The following MYO1D variants were observed in gnomAD, a reference collection of about 807,000 sequenced individuals.
MYO1D encodes the protein myosin ID.
MYO1D carries 83 observed loss-of-function variants against 122.0 expected under a neutral mutation model. That is an observed-to-expected ratio of 0.68 (90% CI 0.57 to 0.82). The LOEUF (loss-of-function observed/expected upper bound fraction) is 0.82, where lower values mean the gene tolerates loss of function less well. Ranked by LOEUF, MYO1D falls within the 40% of genes least tolerant of loss-of-function variation. The pLI, the probability that MYO1D is intolerant of heterozygous loss-of-function variation, is 0.00. For synonymous variants in MYO1D, 464 were observed against 446.9 expected, an observed-to-expected ratio of 1.04 and a Z score of -0.48; for missense variants, 1,157 against 1,269.5, an observed-to-expected ratio of 0.91 and a Z score of 1.35.
chr17:32,806,545 T>A (rs1041349704), intron 1 of MYO1D, among the ~76,000 whole-genome samples: 3 of 152,082 alleles, frequency 2.0e-5, no homozygotes, highest in Non-Finnish European at 4.4e-5. Context: ...TTTAAATTTT[T>A]AAAAAATTTT....
intron 1 of MYO1D, among the ~76,000 whole-genome samples, chr17:32,858,002 GTTAA>G (rs1384833691): frequency 1.3e-5 from 2 of 152,164 alleles, no homozygotes; most frequent in Non-Finnish European, 2.9e-5. Context: ...GATTGGTAAT[GTTAA>G]TTGTTAATTT....
chr17:32,593,653 A>T (rs891034958), intron 21 of MYO1D, among the ~76,000 whole-genome samples: 2 of 152,212 alleles, frequency 1.3e-5, no homozygotes, highest in Admixed American at 1.3e-4. Flanking sequence ...AGTTATATAT[A>T]TTGGCTGGGC....
In MYO1D at chr17:32,654,618, C is replaced by T. The variant is rs2150950701; in HGVS notation, c.2349G>A (p.Trp783Ter). The T allele has an allele frequency of 6.2e-7, 1 of 1,604,810 alleles. No individual in the cohort carries two copies. The highest frequency in any genetic ancestry group is 8.5e-7 in the Non-Finnish European group (1 of 1,176,190). The change falls in exon 18 of 22, where the codon TGG becomes TGA. Residue 783 changes from tryptophan (W) to a stop codon, truncating the protein, a stop_gained. Transcript: ENST00000318217. LOFTEE classifies it high-confidence loss of function. The stretch of plus-strand genomic sequence containing the variant: ...TGCTCTTGATGAGCTGGGATGCTCT[C>T]CATCTACAAGTAAATAGACAACATG... The part of the protein sequence containing the change: ...EEALQTIFNR[W>*]RASQLIKSIP...
At chr17:32,861,654 C>T (rs1265715781) in intron 1 of MYO1D, among the ~76,000 whole-genome samples, 1 of 152,076 alleles carries the variant, frequency 6.6e-6, no homozygotes, top group Non-Finnish European at 1.5e-5. Context: ...CCCTACTTTG[C>T]CTGCCCCACT....
intron 16 of MYO1D, among the ~76,000 whole-genome samples, chr17:32,666,739 T>C (rs756784375): frequency 3.3e-5 from 5 of 152,226 alleles, no homozygotes; most frequent in Non-Finnish European, 7.3e-5. Flanking sequence ...TTCTAGTCAT[T>C]ATGGGCATTG....
At chr17:32,653,452 T>A (rs1160118387) in intron 19 of MYO1D, among the ~76,000 whole-genome samples, 1 of 151,536 alleles carries the variant, frequency 6.6e-6, no homozygotes, top group East Asian at 1.9e-4. Flanking sequence ...ACTAAAAATA[T>A]AAAGTTAGCT....
intron 21 of MYO1D, among the ~76,000 whole-genome samples, chr17:32,504,232 T>C (rs1909418678): frequency 6.6e-6 from 1 of 152,184 alleles, no homozygotes; most frequent in Non-Finnish European, 1.5e-5. Flanking sequence ...GGGGGCGTGA[T>C]CCACACTCAC....
At chr17:32,651,285 T>G (rs553220703) in intron 19 of MYO1D, among the ~76,000 whole-genome samples, 2 of 152,346 alleles carry the variant, frequency 1.3e-5, no homozygotes, top group South Asian at 4.1e-4. Context: ...TTCCCAGCCT[T>G]GAGTTATTTC....
intron 21 of MYO1D, among the ~76,000 whole-genome samples, chr17:32,525,626 G>T (rs984749303): frequency 1.3e-5 from 2 of 152,148 alleles, no homozygotes; most frequent in African/African-American, 4.8e-5. Flanking sequence ...TGCTAGAAAG[G>T]AACATTTATT....
At chr17:32,676,061 T>G (rs2088804574) in intron 16 of MYO1D, among the ~76,000 whole-genome samples, 1 of 152,170 alleles carries the variant, frequency 6.6e-6, no homozygotes, top group African/African-American at 2.4e-5. Flanking sequence ...TCTCTTTTTT[T>G]TGGAGTGATA....
chr17:32,774,501 C>T (rs1598088000), intron 4 of MYO1D, among the ~76,000 whole-genome samples: 1 of 152,112 alleles, frequency 6.6e-6, no homozygotes, highest in African/African-American at 2.4e-5. Flanking sequence ...TTCCTTTCCC[C>T]AGGGTCTGCT....
chr17:32,566,153 C>T (rs1369428231), intron 21 of MYO1D, among the ~76,000 whole-genome samples: 2 of 151,956 alleles, frequency 1.3e-5, no homozygotes, highest in Non-Finnish European at 2.9e-5. Context: ...GTCCTCCCCT[C>T]ATGTGCTCCT....
At chr17:32,510,922 C>G (rs1442050059) in intron 21 of MYO1D, 1 of 137,212 alleles carries the variant, frequency 7.3e-6, no homozygotes. Flanking sequence ...AGTTAAAGAA[C>G]AAAACTATAC....
At chr17:32,576,247 G>T (rs1457736650) in intron 21 of MYO1D, among the ~76,000 whole-genome samples, 1 of 152,144 alleles carries the variant, frequency 6.6e-6, no homozygotes, top group Non-Finnish European at 1.5e-5. Flanking sequence ...ATGACTGATG[G>T]CAAGTTTGTA....
chr17:32,562,186 G>A (rs1055580095), intron 21 of MYO1D, among the ~76,000 whole-genome samples: 28 of 151,812 alleles, frequency 1.8e-4, no homozygotes, highest in African/African-American at 6.8e-4. Flanking sequence ...TTGTAGAAAC[G>A]GGTATTGCCA....
intron 21 of MYO1D, among the ~76,000 whole-genome samples, chr17:32,534,247 G>A (rs1910593685): frequency 6.6e-6 from 1 of 152,262 alleles, no homozygotes; most frequent in South Asian, 2.1e-4. Flanking sequence ...GCTCACTGCA[G>A]CATTGAATTT....
chr17:32,819,970 A>T (rs1181209571), intron 1 of MYO1D, among the ~76,000 whole-genome samples: 1 of 152,252 alleles, frequency 6.6e-6, no homozygotes, highest in Non-Finnish European at 1.5e-5. Flanking sequence ...ATCAAGCCAC[A>T]GGTTGTTGGT....
intron 1 of MYO1D, among the ~76,000 whole-genome samples, chr17:32,814,565 T>C (rs1349622997): frequency 6.6e-6 from 1 of 152,232 alleles, no homozygotes; most frequent in Non-Finnish European, 1.5e-5. Flanking sequence ...AAGAGACATA[T>C]AATTTGGAGT....
chr17:32,714,137 T>C (rs1260212436), intron 15 of MYO1D, among the ~76,000 whole-genome samples: 1 of 152,030 alleles, frequency 6.6e-6, no homozygotes, highest in Non-Finnish European at 1.5e-5. Flanking sequence ...ATGTGTGCCA[T>C]GGTGGTTTGC....
Sources: gnomAD v4.1 joint callset for allele counts (sites outside exome capture counted in the v4.1 genomes callset) on GRCh38, gnomAD v4.1.1 for gene constraint, MANE v1.5 for transcripts, NCBI Gene and HGNC (gene_info 2026-07-23, HGNC 2026-07-21) for gene names.